ZACN: variants seen among roughly 807,000 people sequenced by gnomAD.
The protein encoded by ZACN is zinc activated ion channel.
A neutral mutation model predicts 38.9 loss-of-function variants in ZACN; 52 were observed. The observed-to-expected ratio is 1.34, with a 90% CI of 1.07 to 1.68. ZACN has a LOEUF of 1.68. ZACN is among the 40% of genes most tolerant of loss of function. The pLI, the probability that ZACN is intolerant of heterozygous loss-of-function variation, is 0.00. For synonymous variants in ZACN, 235 were observed against 227.4 expected (o/e 1.03, Z -0.30); for missense variants, 559 against 525.6 (o/e 1.06, Z -0.62).
At chr17:76,080,098 T>C in intron 4 of ZACN, 104 bp downstream of exon 4, 2 of 1,466,606 alleles carry the variant, frequency 1.4e-6, no homozygotes, top group Non-Finnish European at 1.8e-6. Flanking sequence ...CTCCTGGCGG[T>C]CCCCGCCGGA....
intron 4 of ZACN, 31 bp downstream of exon 4, chr17:76,080,025 T>G: frequency 6.5e-7 from 1 of 1,540,170 alleles, no homozygotes; most frequent in Non-Finnish European, 8.8e-7. Flanking sequence ...CCCAGGAATC[T>G]GCCATGCATA....
chr17:76,082,040 C>G lies in ZACN; in HGVS notation c.1039C>G (p.Pro347Ala). The change falls in exon 8 of 9, where the codon CCT becomes GCT. Residue 347 changes from proline to alanine, a missense_variant. By Grantham distance (27) the Pro-to-Ala change is conservative. Coordinates refer to ENST00000334586, the MANE Select transcript of ZACN (RefSeq NM_180990.4). Reference sequence around the variant, plus strand: ...AGAGCACGGCAACCCAGGGCCTCATCCTGCTGAAGGTGGGCAGGGGCTGGG... The same window carrying G: ...AGAGCACGGCAACCCAGGGCCTCATGCTGCTGAAGGTGGGCAGGGGCTGGG... ...QREHGNPGPHPAEEPSRGVKG... is the reference protein window; with the variant it reads ...QREHGNPGPHAAEEPSRGVKG... The G allele has an allele frequency of 6.2e-7, 1 of 1,608,188 alleles. No individual in the cohort carries two copies. The highest frequency in any genetic ancestry group is 8.5e-7 in the Non-Finnish European group (1 of 1,178,016).
Position 76,079,429 on chromosome 17 carries a change from T to C in ZACN, c.98-10T>C. 1 of 1,614,028 alleles carries C rather than the reference T, an allele frequency of 6.2e-7. No individual in the cohort carries two copies. Among genetic ancestry groups the C allele is most frequent in the Non-Finnish European group, 8.5e-7 (1 of 1,179,936 alleles). On this transcript the variant is annotated splice_polypyrimidine_tract_variant and intron_variant, in intron 1 of 8. Transcript: ENST00000334586. ...AGGGCACCTGAGTGACCTTGACTTT[T>C]CTCTCTCAGTCTGGCCATCCCTCTT...
chr17:76,081,324 T>A lies in ZACN; in HGVS notation c.591T>A (p.Ser197Arg). Reference sequence around the variant, plus strand: ...CCCACGTGGTGAACGAGATTGTGAGTGTCAAGAGGGAATACGTAGTTTATG... The same window carrying A: ...CCCACGTGGTGAACGAGATTGTGAGAGTCAAGAGGGAATACGTAGTTTATG... ...FQAHVVNEIV[S>R]VKREYVVYDL... Residue 197 changes from serine to arginine, a missense_variant, in exon 6 of 9, where the codon AGT becomes AGA. Ser to Arg is a moderately radical substitution (Grantham distance 110). Transcript: ENST00000334586. The A allele has an allele frequency of 6.2e-7, 1 of 1,614,002 alleles. No homozygotes were observed. Among genetic ancestry groups the A allele is most frequent in the South Asian group, 1.1e-5 (1 of 91,080 alleles).
At chr17:76,079,830 G>A (rs2066921576) in intron 3 of ZACN, 58 bp from the exon 4 acceptor site, 12 of 1,599,242 alleles carry the variant, frequency 7.5e-6, no homozygotes, top group Non-Finnish European at 8.5e-7. Flanking sequence ...AACATGCTGA[G>A]CTTAGGGGCA....
chr17:76,079,569 T>G lies in ZACN; in HGVS notation c.222+6T>G. On this transcript the variant is annotated splice_donor_region_variant and intron_variant, in intron 2 of 8. Coordinates refer to ENST00000334586, the MANE Select transcript of ZACN (RefSeq NM_180990.4). ...TCTCCAACGTGTTTAATGTGGTAAGTGCCTCTAGGCCAAGGGCCCCAAGTG... is the reference window on the plus strand; with the variant it reads ...TCTCCAACGTGTTTAATGTGGTAAGGGCCTCTAGGCCAAGGGCCCCAAGTG... 1 of 1,614,194 alleles carries G rather than the reference T, an allele frequency of 6.2e-7. No homozygotes were observed. The highest frequency in any genetic ancestry group is 8.5e-7 in the Non-Finnish European group (1 of 1,180,018).
At chr17:76,080,782 G>T (rs375397512) in intron 5 of ZACN, 1 of 488,840 alleles carries the variant, frequency 2.0e-6, no homozygotes, top group Non-Finnish European at 4.0e-6. Flanking sequence ...CAGCCATGGC[G>T]ACTGCAGTGG....
chr17:76,080,658 G>A (rs771189684), intron 5 of ZACN: 8 of 676,076 alleles, frequency 1.2e-5, no homozygotes, highest in African/African-American at 3.5e-5. Context: ...TGTGCTCAGC[G>A]GTAGCCTCAG....
At chr17:76,079,599 G>A (rs2066918887) in intron 2 of ZACN, 36 bp downstream of exon 2, 2 of 1,613,788 alleles carry the variant, frequency 1.2e-6, no homozygotes, top group African/African-American at 1.3e-5. Flanking sequence ...CAAGTGCTGA[G>A]CTGGGCAGGG....
Position 76,082,648 on chromosome 17 carries a change from CT to C in ZACN, c.1235del (p.Leu412ArgfsTer13). On this transcript the variant is annotated frameshift_variant, in exon 9 of 9. Coordinates refer to ENST00000334586, the MANE Select transcript of ZACN (RefSeq NM_180990.4). LOFTEE classifies it high-confidence loss of function. The part of the protein sequence containing the change: ...EAAPHGRRPR[L>X] ...TGCACCCCATGGCAGGCGGCCTAGA[CT>C]GTAAAGGGGCAGGGCCTGGGCTGCA... The C allele has an allele frequency of 6.2e-7, 1 of 1,610,450 alleles. No individual in the cohort carries two copies. Among genetic ancestry groups the C allele is most frequent in the Admixed American group, 1.7e-5 (1 of 59,646 alleles).
At chr17:76,082,438 C>A in intron 8 of ZACN, 25 bp from the exon 9 acceptor site, 1 of 1,577,558 alleles carries the variant, frequency 6.3e-7, no homozygotes, top group Non-Finnish European at 8.6e-7. Context: ...AAGAACAGCT[C>A]CTTTCCCTGT....
chr17:76,081,228 C>A, intron 5 of ZACN, 50 bp from the exon 6 acceptor site: 1 of 1,606,284 alleles, frequency 6.2e-7, no homozygotes, highest in Non-Finnish European at 8.5e-7. Flanking sequence ...CCAGACTTGG[C>A]AGCTGGGATC....
In ZACN at chr17:76,081,337, T is replaced by C. The variant is rs1467902584; in HGVS notation, c.604T>C (p.Tyr202His). ...VNEIVSVKRE[Y>H]VVYDLKTQVP... Reference sequence around the variant, plus strand: ...CGAGATTGTGAGTGTCAAGAGGGAATACGTAGTTTATGATCTGAAGACCCA... The same window carrying C: ...CGAGATTGTGAGTGTCAAGAGGGAACACGTAGTTTATGATCTGAAGACCCA... The change falls in exon 6 of 9, where the codon TAC becomes CAC. Residue 202 changes from tyrosine to histidine, a missense_variant. By Grantham distance (83) the Tyr-to-His change is moderately conservative. Coordinates refer to ENST00000334586, the MANE Select transcript of ZACN (RefSeq NM_180990.4). 6.2e-7 allele frequency: 1 copy of C among 1,614,160 alleles called. No individual in the cohort carries two copies. Among genetic ancestry groups the C allele is most frequent in the Non-Finnish European group, 8.5e-7 (1 of 1,180,026 alleles).
chr17:76,080,271 AGGG>A lies in ZACN; in HGVS notation c.392_394del (p.Arg131_Asp132delinsAsn), dbSNP rs774699323. On this transcript the variant is annotated inframe_deletion, in exon 5 of 9. Coordinates refer to ENST00000334586, the MANE Select transcript of ZACN (RefSeq NM_180990.4). ...TCCCCACAGGCTCTGGGTGGACTGG[AGGG>A]ACCAGAGCCCCCAGGCTCGAGTAGA... 1.9e-6 allele frequency: 3 copies of A among 1,613,596 alleles called. No homozygotes were observed. In the East Asian group the frequency reaches 6.7e-5, roughly 36 times the overall value.
intron 5 of ZACN, chr17:76,080,807 G>A (rs889187048): frequency 3.3e-5 from 16 of 478,768 alleles, no homozygotes; most frequent in Non-Finnish European, 6.2e-5. Flanking sequence ...GCCCCTTGCA[G>A]CAAGGCCAGA....
intron 4 of ZACN, 95 bp from the exon 5 acceptor site, chr17:76,080,160 G>T: frequency 6.7e-7 from 1 of 1,493,426 alleles, no homozygotes. Flanking sequence ...CCAGAACTCT[G>T]AAAGCAGCTG....
chr17:76,080,710 T>C, intron 5 of ZACN: 1 of 567,320 alleles, frequency 1.8e-6, no homozygotes, highest in Non-Finnish European at 3.3e-6. Flanking sequence ...TCGCAGCAGC[T>C]CTGCAATCCC....
rs1598277674 is a variant in ZACN at position 76,079,261 on chromosome 17, G to A, written c.-4G>A. 6.2e-7 allele frequency: 1 copy of A among 1,610,490 alleles called. No individual in the cohort carries two copies. Among genetic ancestry groups the A allele is most frequent in the Admixed American group, 1.7e-5 (1 of 59,836 alleles). On this transcript the variant is annotated 5_prime_UTR_variant, in exon 1 of 9. Coordinates refer to ENST00000334586, the MANE Select transcript of ZACN (RefSeq NM_180990.4). ...CTGCTCCCTCCAGTCCCTCCGTGCA[G>A]CCGATGATGGCCCTATGGTCCCTGC...
At chr17:76,082,166 T>C in intron 8 of ZACN, 117 bp downstream of exon 8, 1 of 1,270,752 alleles carries the variant, frequency 7.9e-7, no homozygotes, top group Non-Finnish European at 1.1e-6. Flanking sequence ...CTGGCTCTCC[T>C]GTCCCTGGTC....
Sources: allele counts gnomAD v4.1 joint callset, GRCh38; gene constraint gnomAD v4.1.1; transcripts MANE v1.5; gene names NCBI Gene and HGNC (gene_info 2026-07-23, HGNC 2026-07-21).